HNRNPU: variants seen among roughly 807,000 people sequenced by gnomAD.
HNRNPU encodes the protein heterogeneous nuclear ribonucleoprotein U.
A neutral mutation model predicts 94.7 loss-of-function variants in HNRNPU; 5 were observed. That is an observed-to-expected ratio of 0.05 (90% confidence interval 0.03 to 0.11). HNRNPU has a LOEUF of 0.11. Ranked by LOEUF, HNRNPU falls within the 10% of genes least tolerant of loss-of-function variation. HNRNPU has a pLI of 1.00. For synonymous variants in HNRNPU, 434 were observed against 381.6 expected (o/e 1.14, Z -1.60); for missense variants, 710 against 1,049.2 (o/e 0.68, Z 4.47).
chr1:244,864,473 C>T lies in HNRNPU; in HGVS notation c.-166G>A. On this transcript the variant is annotated 5_prime_UTR_variant, in exon 1 of 14. Transcript: ENST00000640218. ...GGATCCGCCTGGTGTCGAACGGCGC[C>T]AATTCCTTTCACCGAGTTCGCGAGG... The T allele has an allele frequency of 8.4e-7, 1 of 1,188,974 alleles. No individual in the cohort carries two copies. The highest frequency in any genetic ancestry group is 1.1e-6 in the Non-Finnish European group (1 of 871,462). The allele number at this position is 1,188,974 out of a possible 1,614,324, so 73.7% of individuals were successfully genotyped here. A position where few individuals can be genotyped will look rare whatever the true frequency, so the allele number is the denominator to read the frequency against.
chr1:244,864,315 GC>G lies in HNRNPU; in HGVS notation c.-9del. On this transcript the variant is annotated 5_prime_UTR_variant, in exon 1 of 14. Transcript: ENST00000640218. Reference sequence around the variant, plus strand: ...AACAGGCGAGGAACTCATGGTGAGGGCCCCGATTCACCGCTAGGCGCTGCCT... The same window carrying G: ...AACAGGCGAGGAACTCATGGTGAGGGCCCGATTCACCGCTAGGCGCTGCCT... 6.2e-7 allele frequency: 1 copy of G among 1,611,944 alleles called. No individual in the cohort carries two copies. Among genetic ancestry groups the G allele is most frequent in the Non-Finnish European group, 8.5e-7 (1 of 1,179,540 alleles).
rs1680588649 is a variant in HNRNPU at position 244,853,058 on chromosome 1, G to C, written c.*1392C>G. 6.6e-6 allele frequency: 1 copy of C among 152,544 alleles called. No individual in the cohort carries two copies. The highest frequency in any genetic ancestry group is 2.4e-5 in the African/African-American group (1 of 41,424). The allele number at this position is 152,544 out of a possible 1,614,324, so 9.4% of individuals were successfully genotyped here. A position where few individuals can be genotyped will look rare whatever the true frequency, so the allele number is the denominator to read the frequency against. On this transcript the variant is annotated 3_prime_UTR_variant, in exon 14 of 14. Transcript: ENST00000640218. ...AAAGCATCTGATCCCAGAGTTTCAT[G>C]TATCATATATATGTATATAAAATAA... is the stretch of plus-strand genomic sequence containing the variant.
rs547343341 is a variant in HNRNPU at position 244,864,495 on chromosome 1, G to T, written c.-188C>A. ...CGCCAATTCCTTTCACCGAGTTCGC[G>T]AGGGAGACGCGGAGACTCGCCTGGC... On this transcript the variant is annotated 5_prime_UTR_variant, in exon 1 of 14. Coordinates refer to ENST00000640218, the MANE Select transcript of HNRNPU (RefSeq NM_031844.3). 2.0e-6 allele frequency: 2 copies of T among 995,512 alleles called. No individual in the cohort carries two copies. Among genetic ancestry groups the T allele is most frequent in the South Asian group, 1.8e-5 (1 of 55,428 alleles). 61.7% of individuals were successfully genotyped at this position (995,512 alleles called of 1,614,324 possible). A position where few individuals can be genotyped will look rare whatever the true frequency, so the allele number is the denominator to read the frequency against.
rs1680750190 is a variant in HNRNPU, at chr1:244,858,834, T to C, written c.1125A>G (p.Glu375=). 7 of 1,427,240 alleles carry C rather than the reference T, an allele frequency of 4.9e-6. No individual in the cohort carries two copies. Among genetic ancestry groups the C allele is most frequent in the Non-Finnish European group, 5.9e-6 (6 of 1,013,188 alleles). 88.4% of individuals were successfully genotyped at this position (1,427,240 alleles called of 1,614,324 possible). The change falls in exon 6 of 14, where the codon GAA becomes GAG. Residue 375 remains glutamate, a synonymous_variant. Transcript: ENST00000640218. ...LTTSGMLLGE[E]EFSYGYSLKG... ...TTAGAGAATACCCATAAGAAAATTC[T>C]TCTTCACCTAAGAAAATAATTAATC...
chr1:244,853,495 C>G lies in HNRNPU; in HGVS notation c.*955G>C, dbSNP rs1349324248. 6.6e-6 allele frequency: 1 copy of G among 152,520 alleles called. No individual in the cohort carries two copies. The highest frequency in any genetic ancestry group is 1.5e-5 in the Non-Finnish European group (1 of 67,994). The allele number at this position is 152,520 out of a possible 1,614,324, so 9.4% of individuals were successfully genotyped here. A position where few individuals can be genotyped will look rare whatever the true frequency, so the allele number is the denominator to read the frequency against. The stretch of plus-strand genomic sequence containing the variant: ...GGCTAAGGAGATACCCATTCAAGAA[C>G]TGACATGATTAAAAATTAAGATATA... On this transcript the variant is annotated 3_prime_UTR_variant, in exon 14 of 14. Transcript: ENST00000640218.
Position 244,858,708 on chromosome 1 carries a change from A to G in HNRNPU, c.1230+21T>C, listed in dbSNP as rs1164247471. On this transcript the variant is annotated intron_variant, in intron 6 of 13. Transcript: ENST00000640218. Reference sequence around the variant, plus strand: ...GCTACTAACTTTGCCATTTATACATAGAAAGTTAGCTTTAACTTACAGCAA... The same window carrying G: ...GCTACTAACTTTGCCATTTATACATGGAAAGTTAGCTTTAACTTACAGCAA... 3.8e-6 allele frequency: 5 copies of G among 1,319,220 alleles called. No homozygotes were observed. In the African/African-American group the frequency reaches 7.3e-5, roughly 19 times the overall value. 81.7% of individuals were successfully genotyped at this position (1,319,220 alleles called of 1,614,324 possible).
In HNRNPU at chr1:244,850,709, G is replaced by A. The variant is rs1249026716; in HGVS notation, c.*3741C>T. The stretch of plus-strand genomic sequence containing the variant: ...GCATGGGTATTGCAACCTATTGTCA[G>A]GCCTTAACATGTATGTGTTTGCTTT... On this transcript the variant is annotated 3_prime_UTR_variant, in exon 14 of 14. Transcript: ENST00000640218. 1 of 152,048 alleles carries A rather than the reference G, an allele frequency of 6.6e-6. No individual in the cohort carries two copies. The highest frequency in any genetic ancestry group is 2.4e-5 in the African/African-American group (1 of 41,392). 9.4% of individuals were successfully genotyped at this position (152,048 alleles called of 1,614,324 possible). A position where few individuals can be genotyped will look rare whatever the true frequency, so the allele number is the denominator to read the frequency against.
At chr1:244,858,863 A>G (rs1680750506) in intron 5 of HNRNPU, 22 bp from the exon 6 acceptor site, 1 of 1,093,300 alleles carries the variant, frequency 9.1e-7, no homozygotes, top group Admixed American at 1.8e-5. Flanking sequence ...ATTAATCTTC[A>G]TGAAGTAGAT....
chr1:244,862,748 C>T lies in HNRNPU; in HGVS notation c.692-18G>A, dbSNP rs1276005747. 9 of 1,575,066 alleles carry T rather than the reference C, an allele frequency of 5.7e-6. No individual in the cohort carries two copies. Among genetic ancestry groups the T allele is most frequent in the South Asian group, 2.2e-5 (2 of 90,288 alleles). Reference sequence around the variant, plus strand: ...GCCGTCCCCTAAAACACACACGAGCCCCATAAAGGCCAAGCCTCTAAACAA... The same window carrying T: ...GCCGTCCCCTAAAACACACACGAGCTCCATAAAGGCCAAGCCTCTAAACAA... On this transcript the variant is annotated intron_variant, in intron 1 of 13. Coordinates refer to ENST00000640218, the MANE Select transcript of HNRNPU (RefSeq NM_031844.3).
intron 1 of HNRNPU, chr1:244,863,253 G>GCACCGCGCGCACGCAGCGCGACGGCGC (rs1558190012): frequency 5.6e-6 from 1 of 178,872 alleles, no homozygotes; most frequent in Non-Finnish European, 1.1e-5. Context: ...ACATGTGCCC[G>GCACCGCGCGCACGCAGCGCGACGGCGC]CACCGCGCGC....
chr1:244,855,206 A>AT, intron 12 of HNRNPU, 162 bp from the exon 13 acceptor site: 1 of 717,402 alleles, frequency 1.4e-6, no homozygotes, highest in Non-Finnish European at 2.4e-6. Flanking sequence ...TTATGTTTTA[A>AT]TTTTTTATTC....
Position 244,863,954 on chromosome 1 carries a change from C to A in HNRNPU, c.354G>T (p.Ser118=), listed in dbSNP as rs765877422. ...CGGCCTCCTCCTCCTCCATCGGGCC[C>A]GAGTCGGCCGCCCCCGCGGCCCCGT... ...EENGAAGAAD[S]GPMEEEEAAS... Residue 118 remains serine, a synonymous_variant, in exon 1 of 14, where the codon TCG becomes TCT. Coordinates refer to ENST00000640218, the MANE Select transcript of HNRNPU (RefSeq NM_031844.3). 1.2e-6 allele frequency: 2 copies of A among 1,613,610 alleles called. No homozygotes were observed. Among genetic ancestry groups the A allele is most frequent in the South Asian group, 2.2e-5 (2 of 91,052 alleles).
intron 13 of HNRNPU, 127 bp from the exon 14 acceptor site, chr1:244,854,630 G>C: frequency 1.5e-6 from 1 of 679,112 alleles, no homozygotes; most frequent in Non-Finnish European, 2.6e-6. Flanking sequence ...TCATACCTCT[G>C]ATTTCTACCA....
Position 244,852,036 on chromosome 1 carries a change from A to C in HNRNPU, c.*2414T>G, listed in dbSNP as rs1680562263. On this transcript the variant is annotated 3_prime_UTR_variant, in exon 14 of 14. Coordinates refer to ENST00000640218, the MANE Select transcript of HNRNPU (RefSeq NM_031844.3). ...CACAGTGAGTTTCCTCTGGGTAGTCAGGATTTGTCCAGAACTACATCCTTT... is the reference window on the plus strand; with the variant it reads ...CACAGTGAGTTTCCTCTGGGTAGTCCGGATTTGTCCAGAACTACATCCTTT... 1 of 152,214 alleles carries C rather than the reference A, an allele frequency of 6.6e-6. No individual in the cohort carries two copies. Among genetic ancestry groups the C allele is most frequent in the Admixed American group, 6.5e-5 (1 of 15,274 alleles). The allele number at this position is 152,214 out of a possible 1,614,324, so 9.4% of individuals were successfully genotyped here. A position where few individuals can be genotyped will look rare whatever the true frequency, so the allele number is the denominator to read the frequency against.
At position 244,850,832 on chromosome 1, in the gene HNRNPU, T is replaced by TAG. The variant is rs1407461246; in HGVS notation, c.*3616_*3617dup. ...AGAATTAGGAATGAATGACAAAGTT[T>TAG]AGACTCTAATCATTTTAAGAATGTT... On this transcript the variant is annotated 3_prime_UTR_variant, in exon 14 of 14. Transcript: ENST00000640218. 2 of 152,218 alleles carry TAG rather than the reference T, an allele frequency of 1.3e-5. No individual in the cohort carries two copies. The highest frequency in any genetic ancestry group is 2.4e-5 in the African/African-American group (1 of 41,450). The allele number at this position is 152,218 out of a possible 1,614,324, so 9.4% of individuals were successfully genotyped here. A position where few individuals can be genotyped will look rare whatever the true frequency, so the allele number is the denominator to read the frequency against.
chr1:244,861,961 CA>C (rs1029220581), intron 3 of HNRNPU: 1 of 152,884 alleles, frequency 6.5e-6, no homozygotes, highest in Non-Finnish European at 1.5e-5. Flanking sequence ...TTTAAAGCAG[CA>C]GCTACTGAAC....
intron 3 of HNRNPU, chr1:244,861,697 A>T (rs1222376089): frequency 1.3e-5 from 2 of 150,942 alleles, no homozygotes; most frequent in Non-Finnish European, 2.9e-5. Context: ...TATCACACCC[A>T]GAGTTGTACA....
In HNRNPU at chr1:244,852,238, G is replaced by GA. The variant is rs1680566255; in HGVS notation, c.*2211dup. 1 of 152,132 alleles carries GA rather than the reference G, an allele frequency of 6.6e-6. No individual in the cohort carries two copies. Among genetic ancestry groups the GA allele is most frequent in the Non-Finnish European group, 1.5e-5 (1 of 68,030 alleles). 9.4% of individuals were successfully genotyped at this position (152,132 alleles called of 1,614,324 possible). ...AGGTTATTTCTGCCATACAAGTGTAGACAATTGTATTAATTCTAGTCTTGA... is the reference window on the plus strand; with the variant it reads ...AGGTTATTTCTGCCATACAAGTGTAGAACAATTGTATTAATTCTAGTCTTGA... On this transcript the variant is annotated 3_prime_UTR_variant, in exon 14 of 14. Transcript: ENST00000640218.
At chr1:244,862,414 A>AAAAAAAAC (rs1553283357) in intron 3 of HNRNPU, 47 bp downstream of exon 3, 3 of 1,298,020 alleles carry the variant, frequency 2.3e-6, no homozygotes, top group Middle Eastern at 1.9e-4. Context: ...AAAAAAAAAA[A>AAAAAAAAC]CCACCATCAC....
Sources: allele counts gnomAD v4.1 joint callset, GRCh38; gene constraint gnomAD v4.1.1; transcripts MANE v1.5; gene names NCBI Gene and HGNC (gene_info 2026-07-23, HGNC 2026-07-21).